Variants in RGL4 observed in about 807,000 individuals in gnomAD.
RGL4 encodes ral-GDS-related protein.
Under a neutral mutation model 49.6 loss-of-function variants are expected in RGL4, and 41 were observed. The ratio of observed to expected loss-of-function variants is 0.83; its 90% CI spans 0.64 to 1.07. RGL4 has a LOEUF of 1.07. RGL4 is among the 50% of genes least tolerant of loss of function. RGL4 has a pLI of 0.00. For synonymous variants in RGL4, 255 were observed against 238.0 expected (o/e 1.07, Z -0.66); for missense variants, 610 against 591.9 (o/e 1.03, Z -0.32).
rs1408563314 is a variant in RGL4 at position 23,696,687 on chromosome 22, A to G, written c.1160A>G (p.Lys387Arg). Residue 387 changes from lysine (K) to arginine (R), a missense_variant and splice_region_variant, in exon 7 of 11, where the codon AAG becomes AGG. Transcript: ENST00000290691. ...RVQMRLRRQK[K>R]GVVPFLGDFL... ...CAGATGAGGCTGCGGAGGCAGAAGA[A>G]GGTGAGTGAGCCTGTGGCATGGACG... The G allele has an allele frequency of 1.9e-6, 3 of 1,612,570 alleles. No individual in the cohort carries two copies. In the Admixed American group the frequency reaches 5.0e-5, roughly 27 times the overall value.
rs757788979 is a variant in RGL4, at chr22:23,693,956, C to T, written c.894C>T (p.His298=). 3.7e-6 allele frequency: 6 copies of T among 1,613,610 alleles called. No individual in the cohort carries two copies. The highest frequency in any genetic ancestry group is 1.6e-4 in the Middle Eastern group (1 of 6,080). ...RARDRARVVE[H]WIKVARECLS... Reference sequence around the variant, plus strand: ...GGGACAGGGCCAGGGTGGTGGAGCACTGGATCAAGGTGGCCAGGGTAAGCT... The same window carrying T: ...GGGACAGGGCCAGGGTGGTGGAGCATTGGATCAAGGTGGCCAGGGTAAGCT... The change falls in exon 4 of 11, where the codon CAC becomes CAT. Residue 298 remains histidine (H), a synonymous_variant. Coordinates refer to ENST00000290691, the MANE Select transcript of RGL4 (RefSeq NM_153615.2).
intron 8 of RGL4, among the ~76,000 whole-genome samples, chr22:23,697,593 C>T (rs374716032): frequency 7.2e-5 from 11 of 151,754 alleles, no homozygotes; most frequent in South Asian, 2.1e-4. Flanking sequence ...GGTCACTGAG[C>T]GCTTTCTTTC....
rs763587013 is a variant in RGL4, at chr22:23,692,708, C to T, written c.413C>T (p.Pro138Leu). Reference protein sequence around the residue: ...PRPGQHALTMPALEPAPPLLA... With the variant: ...PRPGQHALTMLALEPAPPLLA... ...CCTGGGCAACACGCATTAACAATGC[C>T]GGCCCTGGAGCCAGCACCACCACTG... Residue 138 changes from proline (P) to leucine (L), a missense_variant, in exon 3 of 11, where the codon CCG becomes CTG. Pro to Leu is a moderately conservative substitution (Grantham distance 98, BLOSUM62 -3). Coordinates refer to ENST00000290691, the MANE Select transcript of RGL4 (RefSeq NM_153615.2). 10 of 1,611,456 alleles carry T rather than the reference C, an allele frequency of 6.2e-6. No individual in the cohort carries two copies. Among genetic ancestry groups the T allele is most frequent in the Admixed American group, 1.7e-5 (1 of 59,924 alleles).
In RGL4 at chr22:23,693,908, C is replaced by T. The variant is rs768497446; in HGVS notation, c.846C>T (p.Leu282=). ...RLTNCITTSC[L]GDHSMRARDR... is the part of the protein sequence containing the mutation. ...CCAACTGCATCACCACCTCCTGCCT[C>T]GGGGACCACAGCATGAGGGCCCGGG... Residue 282 remains leucine (L), a synonymous_variant, in exon 4 of 11, where the codon CTC becomes CTT. Coordinates refer to ENST00000290691, the MANE Select transcript of RGL4 (RefSeq NM_153615.2). The T allele has an allele frequency of 1.2e-5, 19 of 1,613,814 alleles. No homozygotes were observed. Among genetic ancestry groups the T allele is most frequent in the South Asian group, 3.3e-5 (3 of 91,086 alleles).
intron 10 of RGL4, 88 bp downstream of exon 10, chr22:23,698,421 C>T: frequency 6.9e-7 from 1 of 1,453,554 alleles, no homozygotes. Flanking sequence ...CCAGGCTGCA[C>T]TGCAGTGTCA....
chr22:23,696,493 T>C (rs554418033), intron 6 of RGL4, 121 bp from the exon 7 acceptor site: 2 of 1,561,546 alleles, frequency 1.3e-6, no homozygotes, highest in East Asian at 2.4e-5. Context: ...TCTGGGCCAG[T>C]GGTATGAGCA....
At position 23,699,156 on chromosome 22, in the gene RGL4, T is replaced by A; in HGVS notation, c.*273T>A. Reference sequence around the variant, plus strand: ...TTTCTTAACTTTCGTTAAAATAAAATTTTAAAAAACTATTCAAAATGTTCT... The same window carrying A: ...TTTCTTAACTTTCGTTAAAATAAAAATTTAAAAAACTATTCAAAATGTTCT... On this transcript the variant is annotated 3_prime_UTR_variant, in exon 11 of 11. Transcript: ENST00000290691. 7.1e-7 allele frequency: 1 copy of A among 1,417,262 alleles called. No individual in the cohort carries two copies. The highest frequency in any genetic ancestry group is 2.6e-5 in the Admixed American group (1 of 39,156). 87.8% of individuals were successfully genotyped at this position (1,417,262 alleles called of 1,614,324 possible). A position where few individuals can be genotyped will look rare whatever the true frequency, so the allele number is the denominator to read the frequency against.
In RGL4 at chr22:23,694,386, A is replaced by T; in HGVS notation, c.952A>T (p.Ile318Phe). Residue 318 changes from isoleucine (I) to phenylalanine (F), a missense_variant, in exon 5 of 11, where the codon ATC (isoleucine) becomes TTC (phenylalanine). Ile to Phe is a conservative substitution (Grantham distance 21). Coordinates refer to ENST00000290691, the MANE Select transcript of RGL4 (RefSeq NM_153615.2). ...CAACAACTTCTCCTCGGTGCACGTCATCGTCTCTGCTCTGTGCAGCAACCC... is the reference window on the plus strand; with the variant it reads ...CAACAACTTCTCCTCGGTGCACGTCTTCGTCTCTGCTCTGTGCAGCAACCC... ...SLNNFSSVHV[I>F]VSALCSNPIG... 3 of 1,614,072 alleles carry T rather than the reference A, an allele frequency of 1.9e-6. No individual in the cohort carries two copies. The highest frequency in any genetic ancestry group is 2.5e-6 in the Non-Finnish European group (3 of 1,179,960).
chr22:23,695,104 G>A lies in RGL4; in HGVS notation c.1086+85G>A, dbSNP rs1257315145. 16 of 1,054,984 alleles carry A rather than the reference G, an allele frequency of 1.5e-5. No individual in the cohort carries two copies. In the East Asian group the frequency reaches 2.2e-4, roughly 14 times the overall value. 65.4% of individuals were successfully genotyped at this position (1,054,984 alleles called of 1,614,324 possible). A position where few individuals can be genotyped will look rare whatever the true frequency, so the allele number is the denominator to read the frequency against. On this transcript the variant is annotated intron_variant, in intron 6 of 10. Transcript: ENST00000290691. Reference sequence around the variant, plus strand: ...TTGGAAGGGCATTGGACCAGGTGTCGAGTGGTTATTTTGTTTGGTTTTGAC... The same window carrying A: ...TTGGAAGGGCATTGGACCAGGTGTCAAGTGGTTATTTTGTTTGGTTTTGAC...
chr22:23,691,101 C>G lies in RGL4; in HGVS notation c.-930C>G, dbSNP rs1048413631. 1 of 152,164 alleles carries G rather than the reference C, an allele frequency of 6.6e-6. No individual in the cohort carries two copies. Among genetic ancestry groups the G allele is most frequent in the Non-Finnish European group, 1.5e-5 (1 of 68,028 alleles). 9.4% of individuals were successfully genotyped at this position (152,164 alleles called of 1,614,324 possible). On this transcript the variant is annotated 5_prime_UTR_variant, in exon 1 of 11. In the 5' UTR this introduces an upstream ATG that the reference lacks. Transcript: ENST00000290691. ...AGGGTTCTTGTAGGGACTCAATGATCTAAGACACAGCAAACAAAGGGGTCC... is the reference window on the plus strand; with the variant it reads ...AGGGTTCTTGTAGGGACTCAATGATGTAAGACACAGCAAACAAAGGGGTCC...
Position 23,693,160 on chromosome 22 carries a change from G to A in RGL4, c.696+169G>A, listed in dbSNP as rs188167138. On this transcript the variant is annotated intron_variant, in intron 3 of 10. Transcript: ENST00000290691. ...AAGCCTTCCCTGTCTGCATGTGGAC[G>A]GCAGAGATGGGACATCACCAGCGCC... 199 of 1,175,516 alleles carry A rather than the reference G, an allele frequency of 1.7e-4. 1 individual carries two copies. The African/African-American group carries it at 2.3e-3, about 14-fold the overall frequency. 72.8% of individuals were successfully genotyped at this position (1,175,516 alleles called of 1,614,324 possible).
At position 23,692,816 on chromosome 22, in the gene RGL4, C is replaced by T; in HGVS notation, c.521C>T (p.Pro174Leu). ...GGATATCTACATTCAGCACCAGGGC[C>T]AGCACCAGCACCAGGGGAAGGGCCC... The part of the protein sequence containing the change: ...PPGYLHSAPG[P>L]APAPGEGPPP... The change falls in exon 3 of 11, where the codon CCA becomes CTA. Residue 174 changes from proline to leucine, a missense_variant. Transcript: ENST00000290691. The T allele has an allele frequency of 6.2e-7, 1 of 1,613,608 alleles. No homozygotes were observed. The highest frequency in any genetic ancestry group is 8.5e-7 in the Non-Finnish European group (1 of 1,179,984).
rs1173541572 is a variant in RGL4 at position 23,694,329 on chromosome 22, T to A, written c.913-18T>A. On this transcript the variant is annotated intron_variant, in intron 4 of 10. Transcript: ENST00000290691. ...AAGCTCCAACTCTGAACCGCACAGC[T>A]CATTCTTCCCTCTCCAGGAGTGCCT... 2 of 1,585,926 alleles carry A rather than the reference T, an allele frequency of 1.3e-6. No homozygotes were observed. Among genetic ancestry groups the A allele is most frequent in the African/African-American group, 2.7e-5 (2 of 74,470 alleles).
intron 6 of RGL4, chr22:23,695,310 C>T: frequency 2.2e-6 from 1 of 451,592 alleles, no homozygotes; most frequent in Non-Finnish European, 4.2e-6. Context: ...GCAGCATTAG[C>T]AGGGCTCTGG....
chr22:23,691,957 C>T lies in RGL4; in HGVS notation c.-74C>T. 4 of 1,530,986 alleles carry T rather than the reference C, an allele frequency of 2.6e-6. No homozygotes were observed. Among genetic ancestry groups the T allele is most frequent in the Non-Finnish European group, 3.6e-6 (4 of 1,122,836 alleles). The allele number at this position is 1,530,986 out of a possible 1,614,324, so 94.8% of individuals were successfully genotyped here. The stretch of plus-strand genomic sequence containing the variant: ...TCAGCACCGTGGCTTCCCAGCTCTC[C>T]CTGTCCTCCTCCCCCCGACATCTGC... On this transcript the variant is annotated 5_prime_UTR_variant, in exon 1 of 11. Transcript: ENST00000290691.
At position 23,698,878 on chromosome 22, in the gene RGL4, C is replaced by T. The variant is rs1923711471; in HGVS notation, c.1417C>T (p.Pro473Ser). Residue 473 changes from proline (P) to serine (S), a missense_variant, in exon 11 of 11, where the codon CCG (proline) becomes TCG (serine). Coordinates refer to ENST00000290691, the MANE Select transcript of RGL4 (RefSeq NM_153615.2). ...GTCCTGCCAGCTGGAGCCCGAAAAC[C>T]CGTAGGCTGGCAACATCCTGCAGTG... ...KLSCQLEPENP is the reference protein window; with the variant it reads ...KLSCQLEPENS 1 of 1,612,848 alleles carries T rather than the reference C, an allele frequency of 6.2e-7. No homozygotes were observed. Among genetic ancestry groups the T allele is most frequent in the African/African-American group, 1.3e-5 (1 of 74,924 alleles).
At position 23,691,066 on chromosome 22, in the gene RGL4, C is replaced by G. The variant is rs1258639380; in HGVS notation, c.-965C>G. ...TCTGGAACAGGGAGTAGTGAGAAGA[C>G]GAACCTCACAGGGTTCTTGTAGGGA... On this transcript the variant is annotated 5_prime_UTR_variant, in exon 1 of 11. Transcript: ENST00000290691. 2.0e-5 allele frequency: 3 copies of G among 152,154 alleles called. No homozygotes were observed. The highest frequency in any genetic ancestry group is 7.2e-5 in the African/African-American group (3 of 41,414). 9.4% of individuals were successfully genotyped at this position (152,154 alleles called of 1,614,324 possible).
At position 23,696,659 on chromosome 22, in the gene RGL4, G is replaced by A; in HGVS notation, c.1132G>A (p.Val378Ile). 6.2e-7 allele frequency: 1 copy of A among 1,613,698 alleles called. No individual in the cohort carries two copies. Among genetic ancestry groups the A allele is most frequent in the Non-Finnish European group, 8.5e-7 (1 of 1,179,862 alleles). The change falls in exon 7 of 11, where the codon GTC (valine) becomes ATC (isoleucine). Residue 378 changes from valine to isoleucine, a missense_variant. Val to Ile is a conservative substitution (Grantham distance 29). Transcript: ENST00000290691. ...VATQERNPQR[V>I]QMRLRRQKKG... Reference sequence around the variant, plus strand: ...CACCCAGGAGAGGAACCCCCAGAGAGTCCAGATGAGGCTGCGGAGGCAGAA... The same window carrying A: ...CACCCAGGAGAGGAACCCCCAGAGAATCCAGATGAGGCTGCGGAGGCAGAA...
chr22:23,694,926 C>T, intron 5 of RGL4, 24 bp from the exon 6 acceptor site: 1 of 1,598,862 alleles, frequency 6.3e-7, no homozygotes, highest in Non-Finnish European at 8.6e-7. Context: ...CAAATTTACC[C>T]TTCTTTCTTT....
Sources: allele counts gnomAD v4.1 joint callset (sites outside exome capture counted in the v4.1 genomes callset), GRCh38; gene constraint gnomAD v4.1.1; transcripts MANE v1.5; gene names NCBI Gene and HGNC (gene_info 2026-07-23, HGNC 2026-07-21).